ZFHX3: variants seen among roughly 807,000 people sequenced by gnomAD.
ZFHX3 encodes the protein zinc finger homeobox 3.
In ZFHX3, 42 loss-of-function variants were observed where a neutral mutation model predicts 279.1. That is an observed-to-expected ratio of 0.15 (90% CI 0.12 to 0.19). The LOEUF (loss-of-function observed/expected upper bound fraction) is 0.19, where lower values mean the gene tolerates loss of function less well. Among genes scored for constraint, ZFHX3 ranks in the 10% least tolerant of loss-of-function variants. The probability of loss-of-function intolerance (pLI) is 1.00; values close to 1 mark genes in which losing one functional copy is unlikely to be tolerated. For missense variants in ZFHX3, 4,981 were observed against 4,754.0 expected, an observed-to-expected ratio of 1.05 and a Z score of -1.40; for synonymous variants, 2,293 against 1,957.8, an observed-to-expected ratio of 1.17 and a Z score of -4.52.
intron 3 of ZFHX3, among the ~76,000 whole-genome samples, chr16:73,397,443 G>A (rs974906172): frequency 6.6e-6 from 1 of 152,012 alleles, no homozygotes; most frequent in Non-Finnish European, 1.5e-5. Context: ...GAAGCCACTA[G>A]GGTGTTTTAA....
intron 5 of ZFHX3, among the ~76,000 whole-genome samples, chr16:73,204,942 T>TA (rs988343540): frequency 6.6e-6 from 1 of 152,206 alleles, no homozygotes; most frequent in Non-Finnish European, 1.5e-5. Flanking sequence ...TCTGAGTCTG[T>TA]ATTAACCATT....
At chr16:73,698,992 C>T (rs1161752756) in intron 1 of ZFHX3, among the ~76,000 whole-genome samples, 1 of 152,128 alleles carries the variant, frequency 6.6e-6, no homozygotes, top group East Asian at 1.9e-4. Flanking sequence ...TCAAGCAATT[C>T]TCCTGCCTCA....
At chr16:73,292,486 T>G (rs1178157846) in intron 4 of ZFHX3, among the ~76,000 whole-genome samples, 1 of 152,198 alleles carries the variant, frequency 6.6e-6, no homozygotes, top group Non-Finnish European at 1.5e-5. Context: ...TTTATTTTAG[T>G]AGAACACTTC....
intron 2 of ZFHX3, among the ~76,000 whole-genome samples, chr16:73,584,733 A>G (rs1344277740): frequency 1.3e-5 from 2 of 152,248 alleles, no homozygotes; most frequent in African/African-American, 4.8e-5. Context: ...GCAAAAATTG[A>G]CAAATGGGAT....
At chr16:73,024,729 G>A (rs1374170834) in intron 1 of ZFHX3, among the ~76,000 whole-genome samples, 4 of 152,180 alleles carry the variant, frequency 2.6e-5, no homozygotes, top group African/African-American at 4.8e-5. Flanking sequence ...AGACTCCAGG[G>A]TCTGAAAGTA....
chr16:73,547,771 C>A (rs1320095942), intron 2 of ZFHX3, among the ~76,000 whole-genome samples: 1 of 152,246 alleles, frequency 6.6e-6, no homozygotes, highest in African/African-American at 2.4e-5. Flanking sequence ...GGCTCCCTCC[C>A]AGCTGTGCGC....
intron 3 of ZFHX3, among the ~76,000 whole-genome samples, chr16:73,446,305 A>C (rs1413345361): frequency 6.6e-6 from 1 of 152,212 alleles, no homozygotes; most frequent in African/African-American, 2.4e-5. Flanking sequence ...TAATTGACTC[A>C]CAGTTCCTCA....
chr16:73,306,188 A>G (rs2015176283), intron 4 of ZFHX3, among the ~76,000 whole-genome samples: 1 of 152,210 alleles, frequency 6.6e-6, no homozygotes, highest in South Asian at 2.1e-4. Flanking sequence ...TCCAAACCCA[A>G]GAGAACCCAG....
intron 3 of ZFHX3, among the ~76,000 whole-genome samples, chr16:73,454,669 T>C (rs951207487): frequency 1.3e-5 from 2 of 151,872 alleles, no homozygotes; most frequent in Non-Finnish European, 2.9e-5. Flanking sequence ...TACTGCTTCC[T>C]TTTCCCAGTT....
In ZFHX3 at chr16:72,797,068, G is replaced by T; in HGVS notation, c.5614C>A (p.Gln1872Lys). The change falls in exon 9 of 10, where the codon CAG becomes AAG. Residue 1872 changes from glutamine to lysine, a missense_variant. Gln to Lys is a moderately conservative substitution (Grantham distance 53). Coordinates refer to ENST00000268489, the MANE Select transcript of ZFHX3 (RefSeq NM_006885.4). ...AATTTGTTCTTCTTTTCGGGGTGCT[G>T]GCTTGGCTGAAGGAGGGCAGAGTGA... ...QSHSALLQPS[Q>K]HPEKKNKLVI... 6.2e-7 allele frequency: 1 copy of T among 1,614,012 alleles called. No homozygotes were observed.
In ZFHX3 at chr16:72,843,110, C is replaced by A. The variant is rs115127722; in HGVS notation, c.3449-13251G>T. Among the ~76,000 whole-genome samples, 1,329 of 152,264 alleles carry A rather than the reference C, an allele frequency of 8.7e-3. 27 individuals are homozygous for A. The highest frequency in any genetic ancestry group is 0.028 in the African/African-American group (1,151 of 41,538). ...TGAAGGCTGTTCGCAAAAGCCTGGT[C>A]ACCGGCAGGTTCTACCTGTGTTTTG... On this transcript the variant is annotated intron_variant, in intron 4 of 9. Transcript: ENST00000268489.
intron 7 of ZFHX3, among the ~76,000 whole-genome samples, chr16:73,112,620 G>A (rs555417639): frequency 3.4e-5 from 5 of 146,786 alleles, no homozygotes; most frequent in Non-Finnish European, 4.5e-5. Context: ...GGCTACTGAG[G>A]CAGGAGAATC....
chr16:73,555,587 T>G (rs1244393743), intron 2 of ZFHX3, among the ~76,000 whole-genome samples: 1 of 151,918 alleles, frequency 6.6e-6, no homozygotes, highest in African/African-American at 2.4e-5. Flanking sequence ...TCCCAGCACT[T>G]TGGTAGGCCA....
intron 1 of ZFHX3, among the ~76,000 whole-genome samples, chr16:73,747,107 G>A (rs1391853999): frequency 6.6e-6 from 1 of 152,176 alleles, no homozygotes; most frequent in Admixed American, 6.5e-5. Context: ...TATCTTACAG[G>A]GGTGAGTGCA....
At position 73,308,256 on chromosome 16, in the gene ZFHX3, TA is replaced by T. The variant is rs1567446223; in HGVS notation, c.-1194+9983del. Among the ~76,000 whole-genome samples, 55 of 34,582 alleles carry T rather than the reference TA, an allele frequency of 1.6e-3. 1 individual carries two copies. Among genetic ancestry groups the T allele is most frequent in the Admixed American group, 2.2e-3 (9 of 4,084 alleles). The allele number at this position is 34,582 out of a possible 152,430, so 22.7% of individuals were successfully genotyped here. A position where few individuals can be genotyped will look rare whatever the true frequency, so the allele number is the denominator to read the frequency against. On this transcript the variant is annotated intron_variant, in intron 4 of 17. Transcript: ENST00000641206. Reference sequence around the variant, plus strand: ...ATATATATATATATATATATATATATATATATATATATATATATATATTTAT... The same window carrying T: ...ATATATATATATATATATATATATATTATATATATATATATATATATTTAT...
In ZFHX3 at chr16:73,861,927, G is replaced by A. The variant is rs117676823; in HGVS notation, c.-1608+29724C>T. Among the ~76,000 whole-genome samples the A allele has an allele frequency of 2.4e-3, 367 of 152,236 alleles. 1 individual carries two copies. The highest frequency in any genetic ancestry group is 4.1e-3 in the Non-Finnish European group (281 of 68,030). On this transcript the variant is annotated intron_variant, in intron 1 of 17. Coordinates refer to the ZFHX3 transcript ENST00000641206. ...TTCAAAATGTGTCATTTGTTTTGTCGAGAGGACTTCTGCAGTCGTCACATC... is the reference window on the plus strand; with the variant it reads ...TTCAAAATGTGTCATTTGTTTTGTCAAGAGGACTTCTGCAGTCGTCACATC...
intron 7 of ZFHX3, among the ~76,000 whole-genome samples, chr16:73,112,715 CAAAAAAAAAAAAAA>C (rs56149570): frequency 3.3e-5 from 1 of 30,258 alleles, no homozygotes; most frequent in African/African-American, 1.3e-4. Flanking sequence ...GACTCCATCT[CAAAAAAAAAAAAAA>C]AAAAAAAAAA....
chr16:73,798,656 G>T (rs527796416), intron 1 of ZFHX3, among the ~76,000 whole-genome samples: 1 of 152,278 alleles, frequency 6.6e-6, no homozygotes, highest in Non-Finnish European at 1.5e-5. Context: ...AGTTGGCTGA[G>T]CTCCTCAGCT....
chr16:73,890,066 A>G (rs974517055), intron 1 of ZFHX3, among the ~76,000 whole-genome samples: 1 of 152,122 alleles, frequency 6.6e-6, no homozygotes, highest in Non-Finnish European at 1.5e-5. Context: ...TGATTTGTCT[A>G]TACTCTAGGA....
Sources: gnomAD v4.1 joint callset for allele counts (sites outside exome capture counted in the v4.1 genomes callset) on GRCh38, gnomAD v4.1.1 for gene constraint, MANE v1.5 for transcripts, NCBI Gene and HGNC (gene_info 2026-07-23, HGNC 2026-07-21) for gene names.